The following FER variants were observed in gnomAD, a reference collection of about 807,000 sequenced individuals.
FER encodes the protein tyrosine-protein kinase Fer.
FER carries 63 observed loss-of-function variants against 111.0 expected under a neutral mutation model. The ratio of observed to expected loss-of-function variants is 0.57; its 90% CI spans 0.46 to 0.70. The LOEUF (loss-of-function observed/expected upper bound fraction) is 0.70. FER is among the 30% of genes least tolerant of loss of function. FER has a pLI of 0.00. For synonymous variants in FER, 327 were observed against 313.9 expected, an observed-to-expected ratio of 1.04 and a Z score of -0.44; for missense variants, 914 against 954.0, an observed-to-expected ratio of 0.96 and a Z score of 0.55.
At chr5:108,900,367 G>A (rs1375365593) in intron 10 of FER, among the ~76,000 whole-genome samples, 1 of 152,078 alleles carries the variant, frequency 6.6e-6, no homozygotes, top group Non-Finnish European at 1.5e-5. Flanking sequence ...ACTTGGAAAC[G>A]AAAACAATCA....
chr5:108,878,930 C>T (rs1765365825), intron 8 of FER, among the ~76,000 whole-genome samples: 1 of 152,064 alleles, frequency 6.6e-6, no homozygotes, highest in Non-Finnish European at 1.5e-5. Flanking sequence ...ATTTAAGCTG[C>T]TTGGGCTCTA....
intron 17 of FER, among the ~76,000 whole-genome samples, chr5:109,126,090 T>G (rs1751682816): frequency 6.6e-6 from 1 of 152,216 alleles, no homozygotes; most frequent in African/African-American, 2.4e-5. Flanking sequence ...TGATCTTTTT[T>G]GGATTATCTG....
At chr5:109,135,914 C>G (rs1406651196) in intron 17 of FER, among the ~76,000 whole-genome samples, 1 of 151,942 alleles carries the variant, frequency 6.6e-6, no homozygotes, top group Non-Finnish European at 1.5e-5. Flanking sequence ...ACCTTACTTC[C>G]TTCTGCTTGG....
chr5:109,140,734 T>A (rs1350389154), intron 17 of FER, among the ~76,000 whole-genome samples: 1 of 152,212 alleles, frequency 6.6e-6, no homozygotes, highest in Non-Finnish European at 1.5e-5. Flanking sequence ...ACATTATTAA[T>A]ACACAAAAAT....
At chr5:108,954,600 G>T in intron 11 of FER, 129 bp from the exon 12 acceptor site, 1 of 680,126 alleles carries the variant, frequency 1.5e-6, no homozygotes, top group Non-Finnish European at 2.3e-6. Flanking sequence ...TAGGTTTATT[G>T]TATAACTTTT....
chr5:108,764,443 A>G (rs114084314), intron 1 of FER, among the ~76,000 whole-genome samples: 9,670 of 152,106 alleles, frequency 0.064, 399 homozygotes, highest in South Asian at 0.11. Flanking sequence ...TGTTGCCCAG[A>G]CTGCAGTGCA....
chr5:108,908,406 T>C (rs1266950888), intron 10 of FER, among the ~76,000 whole-genome samples: 1 of 152,206 alleles, frequency 6.6e-6, no homozygotes, highest in Admixed American at 6.5e-5. Context: ...GCCTATACAA[T>C]AGTTTTTGGG....
rs1760314374 is a variant in FER, at chr5:108,833,845, G to T, written c.381+902G>T. Among the ~76,000 whole-genome samples, 3 of 150,238 alleles carry T rather than the reference G, an allele frequency of 2.0e-5. No homozygotes were observed. The South Asian group carries it at 6.3e-4, about 32-fold the overall frequency. ...GCGGAGATCGCACCACTGCACTCCA[G>T]CCTGGGCATCAGAGCAAGACTCCGT... is the stretch of plus-strand genomic sequence containing the variant. On this transcript the variant is annotated intron_variant, in intron 4 of 19. Transcript: ENST00000281092.
chr5:109,002,538 A>G (rs1305134358), intron 13 of FER, among the ~76,000 whole-genome samples: 1 of 152,126 alleles, frequency 6.6e-6, no homozygotes, highest in African/African-American at 2.4e-5. Flanking sequence ...AAACCTAGGC[A>G]TTACCATTCA....
At chr5:108,913,089 T>A (rs1751778044) in intron 10 of FER, among the ~76,000 whole-genome samples, 1 of 152,168 alleles carries the variant, frequency 6.6e-6, no homozygotes, top group Non-Finnish European at 1.5e-5. Flanking sequence ...AAAGGGAGTG[T>A]CTGAGAGGTA....
intron 5 of FER, among the ~76,000 whole-genome samples, chr5:108,865,879 C>T (rs1192291826): frequency 1.3e-5 from 2 of 152,210 alleles, no homozygotes; most frequent in Non-Finnish European, 2.9e-5. Flanking sequence ...ATCAAAACCA[C>T]AATGAGATAC....
intron 9 of FER, among the ~76,000 whole-genome samples, chr5:108,893,298 GT>G (rs1196046672): frequency 6.9e-6 from 1 of 145,388 alleles, no homozygotes; most frequent in Non-Finnish European, 1.5e-5. Flanking sequence ...TCCTACCCTT[GT>G]TTTTTTTTTC....
intron 2 of FER, among the ~76,000 whole-genome samples, chr5:108,772,937 G>A (rs549111535): frequency 6.6e-6 from 1 of 152,190 alleles, no homozygotes; most frequent in Non-Finnish European, 1.5e-5. Flanking sequence ...CAAATGATGT[G>A]TAAGCAAGTA....
chr5:108,822,763 ATTTAT>A, intron 3 of FER, among the ~76,000 whole-genome samples: 1 of 118,956 alleles, frequency 8.4e-6, no homozygotes, highest in Admixed American at 8.6e-5. Context: ...ATTTTATTTT[ATTTAT>A]TTTATTTTAT....
intron 16 of FER, among the ~76,000 whole-genome samples, chr5:109,069,314 A>C (rs1409120636): frequency 6.6e-6 from 1 of 152,208 alleles, no homozygotes; most frequent in Non-Finnish European, 1.5e-5. Flanking sequence ...TTGGCTAAGC[A>C]AAATCACAAG....
chr5:109,101,989 A>G (rs1353305222), intron 17 of FER, among the ~76,000 whole-genome samples: 1 of 152,142 alleles, frequency 6.6e-6, no homozygotes, highest in African/African-American at 2.4e-5. Context: ...TTTGTCAGTT[A>G]CCATGACTCT....
chr5:109,012,452 A>G (rs559215177), intron 13 of FER, among the ~76,000 whole-genome samples: 5 of 152,332 alleles, frequency 3.3e-5, no homozygotes, highest in East Asian at 1.9e-4. Context: ...TGAAATTCCA[A>G]TACTGATTTA....
At chr5:109,181,734 C>G (rs984210033) in intron 18 of FER, among the ~76,000 whole-genome samples, 10 of 152,008 alleles carry the variant, frequency 6.6e-5, no homozygotes, top group Non-Finnish European at 1.3e-4. Flanking sequence ...TTAGAGAAAG[C>G]TTTTTTAAAA....
chr5:108,922,506 T>C (rs911677053), intron 10 of FER, among the ~76,000 whole-genome samples: 2 of 152,200 alleles, frequency 1.3e-5, no homozygotes, highest in African/African-American at 2.4e-5. Context: ...ATTCTTTGAC[T>C]GTAAGCACTG....
Sources: gnomAD v4.1 joint callset for allele counts (sites outside exome capture counted in the v4.1 genomes callset) on GRCh38, gnomAD v4.1.1 for gene constraint, MANE v1.5 for transcripts, NCBI Gene and HGNC (gene_info 2026-07-23, HGNC 2026-07-21) for gene names.